Variants in PAK5 observed in about 807,000 individuals in gnomAD.
The protein encoded by PAK5 is p21 (RAC1) activated kinase 5, also known as serine/threonine-protein kinase PAK 5.
Under a neutral mutation model 65.9 loss-of-function variants are expected in PAK5, and 16 were observed. The ratio of observed to expected loss-of-function variants is 0.24; its 90% CI spans 0.16 to 0.37. PAK5 has a LOEUF of 0.37. Ranked by LOEUF, PAK5 falls within the 10% of genes least tolerant of loss-of-function variation. PAK5 has a pLI of 1.00. For missense variants in PAK5, 785 were observed against 903.9 expected, an observed-to-expected ratio of 0.87 and a Z score of 1.69; for synonymous variants, 371 against 354.9, an observed-to-expected ratio of 1.05 and a Z score of -0.51.
intron 2 of PAK5, among the ~76,000 whole-genome samples, chr20:9,706,661 T>C (rs555933502): frequency 4.6e-5 from 7 of 150,836 alleles, no homozygotes; most frequent in Admixed American, 4.6e-4. Context: ...GTTTTTTCTT[T>C]TTTTTTTTTG....
At chr20:9,583,023 C>G (rs1042075935) in intron 3 of PAK5, among the ~76,000 whole-genome samples, 1 of 152,074 alleles carries the variant, frequency 6.6e-6, no homozygotes, top group Non-Finnish European at 1.5e-5. Context: ...GCCCTTCCCC[C>G]CAAATCAGGC....
intron 3 of PAK5, among the ~76,000 whole-genome samples, chr20:9,637,767 A>G (rs1217348936): frequency 1.3e-5 from 2 of 150,918 alleles, no homozygotes; most frequent in African/African-American, 4.8e-5. Flanking sequence ...GAATAAAACT[A>G]TCTAATATTA....
At chr20:9,647,978 A>G (rs2047155074) in intron 2 of PAK5, among the ~76,000 whole-genome samples, 1 of 152,200 alleles carries the variant, frequency 6.6e-6, no homozygotes, top group Admixed American at 6.5e-5. Context: ...CTAGTAGGGA[A>G]GTGAAGATCT....
intron 2 of PAK5, among the ~76,000 whole-genome samples, chr20:9,668,713 C>A (rs1343744327): frequency 6.6e-6 from 1 of 152,206 alleles, no homozygotes. Context: ...ATCAGCTGTT[C>A]CTGGATACCA....
At chr20:9,593,166 T>A (rs1286602943) in intron 3 of PAK5, among the ~76,000 whole-genome samples, 1 of 151,622 alleles carries the variant, frequency 6.6e-6, no homozygotes, top group East Asian at 1.9e-4. Flanking sequence ...TAGCTGGGCA[T>A]GGTGGCAAGT....
chr20:9,537,673 C>G lies in PAK5; in HGVS notation c.*1789G>C, dbSNP rs1380778133. The G allele has an allele frequency of 1.4e-5, 3 of 219,406 alleles. No individual in the cohort carries two copies. The highest frequency in any genetic ancestry group is 4.5e-5 in the African/African-American group (2 of 44,456). 13.6% of individuals were successfully genotyped at this position (219,406 alleles called of 1,614,324 possible). A position where few individuals can be genotyped will look rare whatever the true frequency, so the allele number is the denominator to read the frequency against. The stretch of plus-strand genomic sequence containing the variant: ...ATAGTCCTGGTTAAATTAATACAAT[C>G]TGTCTCATGAACATTTAGGACTGCC... On this transcript the variant is annotated 3_prime_UTR_variant, in exon 10 of 10. Coordinates refer to ENST00000353224, the MANE Select transcript of PAK5 (RefSeq NM_177990.4).
At chr20:9,588,811 G>C (rs1419343303) in intron 3 of PAK5, among the ~76,000 whole-genome samples, 2 of 152,136 alleles carry the variant, frequency 1.3e-5, no homozygotes, top group African/African-American at 4.8e-5. Flanking sequence ...CAATCTATTT[G>C]AGTTTGAAGC....
chr20:9,549,494 C>T (rs1327241446), intron 7 of PAK5, among the ~76,000 whole-genome samples: 1 of 152,078 alleles, frequency 6.6e-6, no homozygotes, highest in Non-Finnish European at 1.5e-5. Flanking sequence ...AGCCTAAGGA[C>T]TTAAAGCAGT....
At chr20:9,555,261 GA>G (rs2045489073) in intron 7 of PAK5, among the ~76,000 whole-genome samples, 1 of 152,172 alleles carries the variant, frequency 6.6e-6, no homozygotes, top group Non-Finnish European at 1.5e-5. Context: ...CTATTTATGT[GA>G]GCTCTTTACA....
chr20:9,640,507 T>A (rs532479827), intron 3 of PAK5, among the ~76,000 whole-genome samples: 1 of 152,176 alleles, frequency 6.6e-6, no homozygotes, highest in East Asian at 1.9e-4. Context: ...TTGTGAATAG[T>A]GCCGCAATAA....
chr20:9,581,428 T>A (rs1337684598), intron 3 of PAK5, among the ~76,000 whole-genome samples: 1 of 152,160 alleles, frequency 6.6e-6, no homozygotes, highest in African/African-American at 2.4e-5. Flanking sequence ...TAGAAATGGG[T>A]GTACATTTTT....
intron 1 of PAK5, among the ~76,000 whole-genome samples, chr20:9,773,147 T>C (rs2048852290): frequency 6.6e-6 from 1 of 152,198 alleles, no homozygotes; most frequent in African/African-American, 2.4e-5. Flanking sequence ...AAGTACAACA[T>C]GTCCCAAAGC....
chr20:9,647,353 C>T (rs1002074866), intron 2 of PAK5, among the ~76,000 whole-genome samples: 2 of 152,164 alleles, frequency 1.3e-5, no homozygotes, highest in Non-Finnish European at 2.9e-5. Flanking sequence ...GCTGAGTCCG[C>T]TTGACAGTTC....
At chr20:9,682,074 CGG>C (rs1185273844) in intron 2 of PAK5, among the ~76,000 whole-genome samples, 4 of 152,100 alleles carry the variant, frequency 2.6e-5, no homozygotes, top group Admixed American at 2.6e-4. Flanking sequence ...GCTACTAGGG[CGG>C]GCTGGGCGCG....
At chr20:9,589,236 TATCTAAA>T (rs2046122950) in intron 3 of PAK5, among the ~76,000 whole-genome samples, 1 of 152,232 alleles carries the variant, frequency 6.6e-6, no homozygotes, top group Non-Finnish European at 1.5e-5. Context: ...TTAAACTGTC[TATCTAAA>T]TTCTTACCCT....
intron 3 of PAK5, among the ~76,000 whole-genome samples, chr20:9,586,768 G>C (rs2046076986): frequency 6.6e-6 from 1 of 151,964 alleles, no homozygotes; most frequent in South Asian, 2.1e-4. Flanking sequence ...CTCAGAACTG[G>C]GGACCTGCTC....
intron 1 of PAK5, among the ~76,000 whole-genome samples, chr20:9,761,564 C>A (rs2048700259): frequency 6.6e-6 from 1 of 152,010 alleles, no homozygotes; most frequent in Non-Finnish European, 1.5e-5. Flanking sequence ...TCATATGAAA[C>A]CACAAAGACC....
At chr20:9,569,360 G>A (rs1227638579) in intron 4 of PAK5, among the ~76,000 whole-genome samples, 1 of 152,156 alleles carries the variant, frequency 6.6e-6, no homozygotes, top group Non-Finnish European at 1.5e-5. Flanking sequence ...CTAAAGACAT[G>A]AATCTGAGAG....
At chr20:9,593,482 G>A (rs1391690158) in intron 3 of PAK5, among the ~76,000 whole-genome samples, 2 of 151,856 alleles carry the variant, frequency 1.3e-5, no homozygotes, top group Non-Finnish European at 2.9e-5. Flanking sequence ...TTAAGTTCTG[G>A]TATACATTTG....
Sources: gnomAD v4.1 joint callset for allele counts (sites outside exome capture counted in the v4.1 genomes callset) on GRCh38, gnomAD v4.1.1 for gene constraint, MANE v1.5 for transcripts, NCBI Gene and HGNC (gene_info 2026-07-23, HGNC 2026-07-21) for gene names.